The following RIMS1 variants were observed in gnomAD, a reference collection of about 807,000 sequenced individuals.
RIMS1 encodes the protein regulating synaptic membrane exocytosis protein 1.
RIMS1 carries 83 observed loss-of-function variants against 214.1 expected under a neutral mutation model. The observed-to-expected ratio is 0.39, with a 90% CI of 0.32 to 0.47. The LOEUF is 0.47. Ranked by LOEUF, RIMS1 falls within the 20% of genes least tolerant of loss-of-function variation. The pLI, the probability that RIMS1 is intolerant of heterozygous loss-of-function variation, is 0.99. For synonymous variants in RIMS1, 793 were observed against 786.8 expected (o/e 1.01, Z -0.13); for missense variants, 2,050 against 2,161.8 (o/e 0.95, Z 1.03).
intron 4 of RIMS1, among the ~76,000 whole-genome samples, chr6:72,109,381 A>T (rs1562330705): frequency 1.3e-5 from 2 of 151,242 alleles, no homozygotes; most frequent in Non-Finnish European, 3.0e-5. Context: ...TGACTTTTTA[A>T]TGATTGCCAT....
At chr6:72,222,517 AAC>A (rs2058808046) in intron 6 of RIMS1, among the ~76,000 whole-genome samples, 2 of 152,128 alleles carry the variant, frequency 1.3e-5, no homozygotes, top group South Asian at 4.1e-4. Flanking sequence ...ATATTTAATA[AAC>A]AGTTGCTGTA....
At chr6:72,099,187 A>C (rs1051818794) in intron 3 of RIMS1, among the ~76,000 whole-genome samples, 2 of 152,242 alleles carry the variant, frequency 1.3e-5, no homozygotes, top group Non-Finnish European at 2.9e-5. Flanking sequence ...AATACAGTTA[A>C]TGATTGATAT....
intron 1 of RIMS1, among the ~76,000 whole-genome samples, chr6:71,921,043 C>T (rs1439327503): frequency 2.0e-5 from 3 of 152,152 alleles, no homozygotes; most frequent in Admixed American, 6.5e-5. Context: ...ATCTGTGCAG[C>T]GGAGGCAGAC....
intron 1 of RIMS1, among the ~76,000 whole-genome samples, chr6:71,900,229 G>T (rs1411489533): frequency 1.9e-4 from 29 of 151,982 alleles, no homozygotes; most frequent in Admixed American, 1.9e-3. Context: ...AGTGATGGAA[G>T]GGGGAGTGGT....
In RIMS1 at chr6:72,182,378, G is replaced by T; in HGVS notation, c.907G>T (p.Gly303Trp). 6.2e-7 allele frequency: 1 copy of T among 1,613,922 alleles called. No individual in the cohort carries two copies. The highest frequency in any genetic ancestry group is 8.5e-7 in the Non-Finnish European group (1 of 1,179,876). The stretch of plus-strand genomic sequence containing the variant: ...AAAGACCTCAGCGCAGCCCGTGGAG[G>T]GGGCCGTCGAAGAACGGGAGCGCAA... ...VPKTSAQPVE[G>W]AVEERERKER... The change falls in exon 6 of 34, where the codon GGG becomes TGG. Residue 303 changes from glycine to tryptophan, a missense_variant. Around this residue, in one of 6 missense-constraint regions of RIMS1, gnomAD observed 882 missense variants for 828.9 expected, o/e 1.06. Transcript: ENST00000521978.
intron 2 of RIMS1, among the ~76,000 whole-genome samples, chr6:72,056,091 A>AG (rs1826095327): frequency 6.6e-6 from 1 of 151,970 alleles, no homozygotes; most frequent in South Asian, 2.1e-4. Context: ...CATAAAAAAA[A>AG]AGAGATCATG....
At chr6:72,072,072 TC>T (rs1224058590) in intron 2 of RIMS1, among the ~76,000 whole-genome samples, 1 of 152,180 alleles carries the variant, frequency 6.6e-6, no homozygotes, top group Non-Finnish European at 1.5e-5. Context: ...ACAAGGTGAT[TC>T]CCTTATCTCC....
intron 28 of RIMS1, among the ~76,000 whole-genome samples, chr6:72,324,945 A>C (rs2096382804): frequency 6.6e-6 from 1 of 151,840 alleles, no homozygotes; most frequent in Non-Finnish European, 1.5e-5. Flanking sequence ...AAATATACAA[A>C]TTTTCTGAAA....
intron 1 of RIMS1, among the ~76,000 whole-genome samples, chr6:71,893,207 A>G (rs1350626540): frequency 1.3e-5 from 2 of 152,188 alleles, no homozygotes; most frequent in African/African-American, 2.4e-5. Context: ...TCATGCTAGC[A>G]ATGCAGTGTT....
intron 4 of RIMS1, among the ~76,000 whole-genome samples, chr6:72,167,009 A>T (rs901763891): frequency 6.6e-6 from 1 of 152,014 alleles, no homozygotes; most frequent in African/African-American, 2.4e-5. Context: ...TCCTGATCTT[A>T]AGTAGAGAAC....
At chr6:72,291,908 A>G in intron 25 of RIMS1, 26 bp from the exon 26 acceptor site, 1 of 1,501,468 alleles carries the variant, frequency 6.7e-7, no homozygotes, top group Non-Finnish European at 9.1e-7. Flanking sequence ...TCATTGTTTC[A>G]TGCCCGCTTT....
chr6:71,943,472 A>G (rs1354298726), intron 1 of RIMS1, among the ~76,000 whole-genome samples: 2 of 152,180 alleles, frequency 1.3e-5, no homozygotes, highest in African/African-American at 4.8e-5. Flanking sequence ...AACATGGATG[A>G]GGAACCAGTC....
chr6:71,947,977 C>G (rs1468197578), intron 1 of RIMS1, among the ~76,000 whole-genome samples: 1 of 152,068 alleles, frequency 6.6e-6, no homozygotes, highest in Non-Finnish European at 1.5e-5. Context: ...GTACCTAGCA[C>G]ACTAATCTCT....
chr6:72,321,633 C>A (rs1300939272), intron 28 of RIMS1, among the ~76,000 whole-genome samples: 2 of 152,064 alleles, frequency 1.3e-5, no homozygotes, highest in Non-Finnish European at 2.9e-5. Flanking sequence ...CAATATTTCT[C>A]AATCCTTTTT....
At chr6:72,207,527 G>A (rs1225924171) in intron 6 of RIMS1, among the ~76,000 whole-genome samples, 1 of 152,168 alleles carries the variant, frequency 6.6e-6, no homozygotes, top group Non-Finnish European at 1.5e-5. Context: ...GCAACTAGGT[G>A]TGTGGGCAAT....
intron 6 of RIMS1, among the ~76,000 whole-genome samples, chr6:72,185,576 G>T (rs1158535014): frequency 1.3e-5 from 2 of 152,332 alleles, no homozygotes; most frequent in Middle Eastern, 3.4e-3. Flanking sequence ...AAGAAGCAGT[G>T]CCAGAAAACA....
At chr6:72,355,216 ATTTTATATTGTCTCTAAAC>A (rs962484457) in intron 29 of RIMS1, among the ~76,000 whole-genome samples, 10 of 152,160 alleles carry the variant, frequency 6.6e-5, no homozygotes, top group South Asian at 2.1e-4. Context: ...TCCATAGTTG[ATTTTATATTGTCTCTAAAC>A]TTTTATATTG....
intron 1 of RIMS1, among the ~76,000 whole-genome samples, chr6:71,940,334 G>A (rs1785674031): frequency 6.6e-6 from 1 of 152,108 alleles, no homozygotes; most frequent in Admixed American, 6.5e-5. Context: ...GCTAAACACA[G>A]GGTTCACACA....
intron 22 of RIMS1, among the ~76,000 whole-genome samples, chr6:72,269,780 T>C (rs1591372192): frequency 2.0e-5 from 3 of 152,312 alleles, no homozygotes; most frequent in South Asian, 4.1e-4. Context: ...TTTCTTAAGT[T>C]CTAATAGTCT....
Sources: gnomAD v4.1 joint callset for allele counts (sites outside exome capture counted in the v4.1 genomes callset) on GRCh38, gnomAD v4.1.1 for gene constraint, gnomAD v4.1.1 regional missense constraint, MANE v1.5 for transcripts, NCBI Gene and HGNC (gene_info 2026-07-23, HGNC 2026-07-21) for gene names.